LINGO2: variants seen among roughly 807,000 people sequenced by gnomAD.
LINGO2 encodes the protein leucine-rich repeat and immunoglobulin-like domain-containing nogo receptor-interacting protein 2.
LINGO2 carries 14 observed loss-of-function variants against 30.6 expected under a neutral mutation model. The ratio of observed to expected loss-of-function variants is 0.46; its 90% confidence interval spans 0.30 to 0.72. The LOEUF is 0.72. LINGO2 is among the 30% of genes least tolerant of loss of function. The pLI is 0.07. For missense variants in LINGO2, 729 were observed against 751.7 expected, an observed-to-expected ratio of 0.97 and a Z score of 0.35; for synonymous variants, 317 against 288.5, an observed-to-expected ratio of 1.10 and a Z score of -1.00.
intron 4 of LINGO2, among the ~76,000 whole-genome samples, chr9:28,260,335 G>A (rs906261921): frequency 2.6e-5 from 4 of 151,130 alleles, no homozygotes; most frequent in African/African-American, 9.7e-5. Flanking sequence ...ACCTGCTAAA[G>A]CTTTTCTATG....
chr9:28,884,939 AAT>A, the LINGO2 span, among the ~76,000 whole-genome samples: 2 of 14,014 alleles, frequency 1.4e-4, no homozygotes, highest in South Asian at 1.1e-3. Context: ...TATTATATAT[AAT>A]ATATATAATA....
At chr9:28,342,626 C>T (rs1187257530) in intron 3 of LINGO2, among the ~76,000 whole-genome samples, 2 of 151,952 alleles carry the variant, frequency 1.3e-5, no homozygotes, top group African/African-American at 4.8e-5. Flanking sequence ...AGAGGTTTTT[C>T]CATCATGTAA....
chr9:28,559,884 A>G (rs2135545129), intron 1 of LINGO2, among the ~76,000 whole-genome samples: 1 of 152,126 alleles, frequency 6.6e-6, no homozygotes, highest in Non-Finnish European at 1.5e-5. Flanking sequence ...AAAACAGAGA[A>G]TAATCCAGGG....
the LINGO2 span, among the ~76,000 whole-genome samples, chr9:29,074,678 C>CTTTTTTTTTTT: frequency 2.3e-5 from 2 of 88,006 alleles, no homozygotes; most frequent in African/African-American, 5.3e-5. Context: ...AAATTACTTA[C>CTTTTTTTTTTT]TTTTTTTTTT....
At chr9:29,083,327 A>C in the LINGO2 span, among the ~76,000 whole-genome samples, 6 of 152,088 alleles carry the variant, frequency 3.9e-5, no homozygotes, top group Admixed American at 3.9e-4. Context: ...GCAAACTATC[A>C]CAAGGACAAA....
At chr9:28,930,178 G>A in the LINGO2 span, among the ~76,000 whole-genome samples, 1 of 152,044 alleles carries the variant, frequency 6.6e-6, no homozygotes, top group Non-Finnish European at 1.5e-5. The surrounding 1 kb of genome is among the most constrained non-coding windows in gnomAD (Gnocchi z 4.2). Context: ...TTTGCCTTGA[G>A]TGCACAAGGG....
chr9:28,503,861 A>G (rs1356632430), intron 1 of LINGO2, among the ~76,000 whole-genome samples: 7 of 148,270 alleles, frequency 4.7e-5, no homozygotes, highest in South Asian at 4.2e-4. Context: ...ATACGGGGGG[A>G]AAAAAAACAA....
At chr9:29,106,364 A>C in the LINGO2 span, among the ~76,000 whole-genome samples, 547 of 152,282 alleles carry the variant, frequency 3.6e-3, 1 homozygote, top group Non-Finnish European at 6.1e-3. Flanking sequence ...CATGGCATGG[A>C]TATCATCTCC....
At chr9:28,453,030 ACT>A (rs1824709529) in intron 2 of LINGO2, among the ~76,000 whole-genome samples, 1 of 151,940 alleles carries the variant, frequency 6.6e-6, no homozygotes, top group Non-Finnish European at 1.5e-5. Context: ...AAGATCAATG[ACT>A]CTGATATAAA....
chr9:28,736,441 G>A, the LINGO2 span, among the ~76,000 whole-genome samples: 50 of 152,242 alleles, frequency 3.3e-4, no homozygotes, highest in Middle Eastern at 6.8e-3. Flanking sequence ...AACTCTCTTA[G>A]CTTCGACTTC....
Position 28,055,283 on chromosome 9 carries a change from A to G in LINGO2, c.-86-42878T>C, listed in dbSNP as rs138390614. 3.7e-3 allele frequency among the ~76,000 whole-genome samples: 559 copies of G among 152,292 alleles called. 17 individuals are homozygous for G. The South Asian group carries it at 0.07, about 19-fold the overall frequency. ...GATTTCCTTTTCCCTGTAGTTGCTT[A>G]TAACATGTGTTTTAAATGGCTTAGT... On this transcript the variant is annotated intron_variant, in intron 4 of 5. Transcript: ENST00000379992.
chr9:28,021,155 C>T (rs2119364835), intron 4 of LINGO2, among the ~76,000 whole-genome samples: 1 of 151,944 alleles, frequency 6.6e-6, no homozygotes, highest in East Asian at 1.9e-4. Context: ...CTAATATATG[C>T]ACTTGATGCT....
At chr9:28,625,487 T>C (rs1826618657) in intron 1 of LINGO2, among the ~76,000 whole-genome samples, 1 of 152,138 alleles carries the variant, frequency 6.6e-6, no homozygotes, top group Non-Finnish European at 1.5e-5. Flanking sequence ...ATGGTACTTT[T>C]TTGTGTGTAC....
intron 1 of LINGO2, among the ~76,000 whole-genome samples, chr9:28,656,029 G>T (rs969720226): frequency 3.3e-5 from 5 of 152,066 alleles, no homozygotes; most frequent in Non-Finnish European, 7.4e-5. Flanking sequence ...TGAGAAGCAG[G>T]TGAATTATTT....
intron 1 of LINGO2, among the ~76,000 whole-genome samples, chr9:28,625,508 A>G (rs1305715606): frequency 2.0e-5 from 3 of 151,904 alleles, no homozygotes; most frequent in African/African-American, 7.3e-5. Flanking sequence ...ATAGTTCTTA[A>G]ATTTTGGTGT....
At chr9:28,806,131 G>A in the LINGO2 span, among the ~76,000 whole-genome samples, 2,555 of 152,072 alleles carry the variant, frequency 0.017, 78 homozygotes, top group African/African-American at 0.058. Flanking sequence ...GCAATAATTT[G>A]CTTATGAATA....
At chr9:28,461,067 T>C (rs941137298) in intron 2 of LINGO2, among the ~76,000 whole-genome samples, 1 of 152,194 alleles carries the variant, frequency 6.6e-6, no homozygotes, top group South Asian at 2.1e-4. Context: ...TTTATCATCA[T>C]AGTCTTTTTC....
chr9:27,951,046 G>A (rs952986083), intron 5 of LINGO2, among the ~76,000 whole-genome samples: 4 of 152,116 alleles, frequency 2.6e-5, no homozygotes, highest in Non-Finnish European at 5.9e-5. Flanking sequence ...ACACTCAAAG[G>A]CTCAGTTTTA....
intron 1 of LINGO2, among the ~76,000 whole-genome samples, chr9:28,586,228 A>C (rs149258443): frequency 6.6e-6 from 1 of 152,112 alleles, no homozygotes; most frequent in African/African-American, 2.4e-5. Context: ...TTAGGAATAA[A>C]ACAAGTTCTA....
Sources: allele counts gnomAD v4.1 joint callset (sites outside exome capture counted in the v4.1 genomes callset), GRCh38; gene constraint gnomAD v4.1.1; non-coding constraint Gnocchi (gnomAD v3.1); transcripts MANE v1.5; gene names NCBI Gene and HGNC (gene_info 2026-07-23, HGNC 2026-07-21).